Variants in ERBB3 observed in about 807,000 individuals in gnomAD.
The protein encoded by ERBB3 is erb-b2 receptor tyrosine kinase 3.
Under a neutral mutation model 156.7 loss-of-function variants are expected in ERBB3, and 96 were observed. The observed-to-expected ratio is 0.61, with a 90% CI of 0.52 to 0.73. ERBB3 has a LOEUF of 0.73. Ranked by LOEUF, ERBB3 falls within the 30% of genes least tolerant of loss-of-function variation. The pLI is 0.00. For synonymous variants in ERBB3, 567 were observed against 632.0 expected (o/e 0.90, Z 1.54); for missense variants, 1,406 against 1,709.4 (o/e 0.82, Z 3.13).
intron 11 of ERBB3, 122 bp from the exon 12 acceptor site, chr12:56,093,222 GA>G (rs1868773423): frequency 8.6e-7 from 1 of 1,163,608 alleles, no homozygotes; most frequent in African/African-American, 1.5e-5. Context: ...AAGGCAAAAG[GA>G]GGGGGATTCC....
At chr12:56,101,484 C>A (rs1279745916) in intron 27 of ERBB3, 45 bp from the exon 28 acceptor site, 2 of 1,607,314 alleles carry the variant, frequency 1.2e-6, no homozygotes, top group Admixed American at 1.7e-5. Flanking sequence ...TTCCCCTACC[C>A]TCATGAAGTT....
Position 56,095,707 on chromosome 12 carries a change from G to C in ERBB3, c.1956G>C (p.Leu652Phe). 1 of 1,614,178 alleles carries C rather than the reference G, an allele frequency of 6.2e-7. No homozygotes were observed. The highest frequency in any genetic ancestry group is 1.1e-5 in the South Asian group (1 of 91,082). ...LTMALTVIAG[L>F]VVIFMMLGGT... Reference sequence around the variant, plus strand: ...TGGCTTTGACAGTGATAGCAGGATTGGTAGTGATTTTCATGATGCTGGGCG... The same window carrying C: ...TGGCTTTGACAGTGATAGCAGGATTCGTAGTGATTTTCATGATGCTGGGCG... Residue 652 changes from leucine (L) to phenylalanine (F), a missense_variant, in exon 17 of 28, where the codon TTG becomes TTC. By Grantham distance (22) the Leu-to-Phe change is conservative. Coordinates refer to ENST00000267101, the MANE Select transcript of ERBB3 (RefSeq NM_001982.4).
chr12:56,082,018 CCT>C (rs1868359250), intron 1 of ERBB3, among the ~76,000 whole-genome samples: 1 of 152,114 alleles, frequency 6.6e-6, no homozygotes, highest in African/African-American at 2.4e-5. Flanking sequence ...CCCTTTGCCC[CCT>C]GTTTGTGTAA....
intron 4 of ERBB3, 129 bp from the exon 5 acceptor site, chr12:56,087,448 G>T (rs1423143171): frequency 1.2e-6 from 1 of 838,794 alleles, no homozygotes; most frequent in African/African-American, 1.7e-5. Flanking sequence ...CCAAGGGCAG[G>T]GAGGGACACA....
In ERBB3 at chr12:56,088,756, G is replaced by A. The variant is rs1390249418; in HGVS notation, c.997G>A (p.Gly333Arg). Reference sequence around the variant, plus strand: ...CTCTCTTACATTTGCAGCCTGTGAGGGAACAGGCTCTGGGAGCCGCTTCCA... The same window carrying A: ...CTCTCTTACATTTGCAGCCTGTGAGAGAACAGGCTCTGGGAGCCGCTTCCA... Reference protein sequence around the residue: ...CGGLCPKACEGTGSGSRFQTV... With the variant: ...CGGLCPKACERTGSGSRFQTV... Residue 333 changes from glycine (G) to arginine (R), a missense_variant, in exon 9 of 28, where the codon GGA becomes AGA. Around this residue, in one of 3 missense-constraint regions of ERBB3, gnomAD observed 979 missense variants for 1,219.6 expected, o/e 0.80. Coordinates refer to ENST00000267101, the MANE Select transcript of ERBB3 (RefSeq NM_001982.4). The A allele has an allele frequency of 6.2e-7, 1 of 1,614,068 alleles. No homozygotes were observed. The highest frequency in any genetic ancestry group is 8.5e-7 in the Non-Finnish European group (1 of 1,179,998).
intron 2 of ERBB3, 23 bp downstream of exon 2, chr12:56,083,925 C>T: frequency 5.0e-6 from 8 of 1,611,278 alleles, no homozygotes; most frequent in Non-Finnish European, 6.8e-6. Flanking sequence ...ACCCTCCTTC[C>T]TCAACCTGCT....
In ERBB3 at chr12:56,099,770, A is replaced by G. The variant is rs776289675; in HGVS notation, c.2937+25A>G. The G allele has an allele frequency of 7.4e-6, 12 of 1,613,218 alleles. No homozygotes were observed. The South Asian group carries it at 1.3e-4, about 18-fold the overall frequency. On this transcript the variant is annotated intron_variant, in intron 24 of 27. Transcript: ENST00000267101. ...GGTGAGTAGGGAGTAGGAGGTGCTA[A>G]GGAAATTTAGAAAAAGGAGGAGTTG...
At chr12:56,090,039 A>T (rs915000067) in intron 9 of ERBB3, among the ~76,000 whole-genome samples, 1 of 150,358 alleles carries the variant, frequency 6.7e-6, no homozygotes, top group Non-Finnish European at 1.5e-5. Flanking sequence ...TCCCCAGGCT[A>T]GAGTGCAGTG....
chr12:56,085,175 CTCACCGG>C lies in ERBB3; in HGVS notation c.419_421+4del. The C allele has an allele frequency of 6.2e-7, 1 of 1,614,206 alleles. No homozygotes were observed. Among genetic ancestry groups the C allele is most frequent in the Non-Finnish European group, 8.5e-7 (1 of 1,180,040 alleles). On this transcript the variant is annotated splice_donor_variant and coding_sequence_variant, in exon 3 of 28. Coordinates refer to ENST00000267101, the MANE Select transcript of ERBB3 (RefSeq NM_001982.4). LOFTEE classifies it high-confidence loss of function. ...TCTGCGCCAGCTCCGCTTGACTCAGCTCACCGGTCAGTTCCCGATGGTTCCTTCTGGC... is the reference window on the plus strand; with the variant it reads ...TCTGCGCCAGCTCCGCTTGACTCAGCTCAGTTCCCGATGGTTCCTTCTGGC...
In ERBB3 at chr12:56,102,196, G is replaced by A; in HGVS notation, c.*141G>A. The stretch of plus-strand genomic sequence containing the variant: ...AGACAATTCCATTCAATCTTTGGAG[G>A]CTTTTAAACATTTTGACACAAAATT... On this transcript the variant is annotated 3_prime_UTR_variant, in exon 28 of 28. Transcript: ENST00000267101. 3 of 783,156 alleles carry A rather than the reference G, an allele frequency of 3.8e-6. No homozygotes were observed. In the South Asian group the frequency reaches 4.5e-5, roughly 12 times the overall value. 48.5% of individuals were successfully genotyped at this position (783,156 alleles called of 1,614,324 possible).
chr12:56,099,057 C>A, intron 23 of ERBB3, 152 bp downstream of exon 23: 4 of 705,682 alleles, frequency 5.7e-6, no homozygotes, highest in East Asian at 2.7e-5. Context: ...CTCTCGGGTT[C>A]AAGAGATTCT....
At chr12:56,087,732 G>T in intron 5 of ERBB3, 63 bp from the exon 6 acceptor site, 1 of 1,583,868 alleles carries the variant, frequency 6.3e-7, no homozygotes, top group Non-Finnish European at 8.7e-7. Flanking sequence ...GGGGAGGCAT[G>T]AGCAGTGGCC....
chr12:56,081,777 T>TG (rs993599973), intron 1 of ERBB3, among the ~76,000 whole-genome samples: 7 of 151,716 alleles, frequency 4.6e-5, no homozygotes, highest in African/African-American at 1.7e-4. Context: ...CTGGCTGTGA[T>TG]GGGGGTGGGG....
rs1344081634 is a variant in ERBB3 at position 56,088,862 on chromosome 12, T to G, written c.1103T>G (p.Leu368Arg). Residue 368 changes from leucine (L) to arginine (R), a missense_variant, in exon 9 of 28, where the codon CTC (leucine) becomes CGC (arginine). By Grantham distance (102) the Leu-to-Arg change is moderately radical (BLOSUM62 -2). Around this residue, in one of 3 missense-constraint regions of ERBB3, gnomAD observed 979 missense variants for 1,219.6 expected, o/e 0.80. Coordinates refer to ENST00000267101, the MANE Select transcript of ERBB3 (RefSeq NM_001982.4). ...LGNLDFLITG[L>R]NGDPWHKIPA... ...AACCTGGACTTTCTGATCACCGGCCTCAATGGGTTAGAGATCCTGCCTTCC... is the reference window on the plus strand; with the variant it reads ...AACCTGGACTTTCTGATCACCGGCCGCAATGGGTTAGAGATCCTGCCTTCC... 6.2e-7 allele frequency: 1 copy of G among 1,613,970 alleles called. No individual in the cohort carries two copies. Among genetic ancestry groups the G allele is most frequent in the Non-Finnish European group, 8.5e-7 (1 of 1,180,006 alleles).
chr12:56,091,682 A>G (rs111240448), intron 9 of ERBB3, among the ~76,000 whole-genome samples: 1 of 152,044 alleles, frequency 6.6e-6, no homozygotes, highest in African/African-American at 2.4e-5. Flanking sequence ...AGGGCATCCT[A>G]TTGAGGATGT....
At chr12:56,085,789 C>T (rs1868461664) in intron 3 of ERBB3, among the ~76,000 whole-genome samples, 1 of 130,852 alleles carries the variant, frequency 7.6e-6, no homozygotes, top group Non-Finnish European at 1.6e-5. Flanking sequence ...AAAAAAAAAG[C>T]CTGGGCGCGG....
chr12:56,083,681 CTTTGGGGATGGCAGATGGGCTGAGAA>C, intron 1 of ERBB3, 44 bp from the exon 2 acceptor site: 1 of 1,584,936 alleles, frequency 6.3e-7, no homozygotes, highest in Non-Finnish European at 8.7e-7. Context: ...AGGGGGTGAT[CTTTGGGGATGGCAGATGGGCTGAGAA>C]TTTGTGTCCA....
chr12:56,098,146 T>G lies in ERBB3; in HGVS notation c.2616+206T>G, dbSNP rs1868952315. Reference sequence around the variant, plus strand: ...CTGGCCGGGCGCGGTGGCTCACGCCTGTAATCCCAACACTTCGGGAGGCCA... The same window carrying G: ...CTGGCCGGGCGCGGTGGCTCACGCCGGTAATCCCAACACTTCGGGAGGCCA... On this transcript the variant is annotated intron_variant, in intron 21 of 27. Coordinates refer to ENST00000267101, the MANE Select transcript of ERBB3 (RefSeq NM_001982.4). 12 of 603,010 alleles carry G rather than the reference T, an allele frequency of 2.0e-5. No individual in the cohort carries two copies. In the South Asian group the frequency reaches 2.4e-4, roughly 12 times the overall value. The allele number at this position is 603,010 out of a possible 1,614,324, so 37.4% of individuals were successfully genotyped here. A position where few individuals can be genotyped will look rare whatever the true frequency, so the allele number is the denominator to read the frequency against.
In ERBB3 at chr12:56,093,489, G is replaced by A. The variant is rs1868783728; in HGVS notation, c.1419G>A (p.Val473=). 6.2e-7 allele frequency: 1 copy of A among 1,613,920 alleles called. No homozygotes were observed. Among genetic ancestry groups the A allele is most frequent in the Non-Finnish European group, 8.5e-7 (1 of 1,179,954 alleles). Residue 473 remains valine (V), a synonymous_variant, in exon 12 of 28, where the codon GTG becomes GTA. Transcript: ENST00000267101. ...ACCACTCTTTGAACTGGACCAAGGT[G>A]CTTCGGGGGCCTACGGAAGAGCGAC... The part of the protein sequence containing the change: ...CYHHSLNWTK[V]LRGPTEERLD...
Sources: gnomAD v4.1 joint callset for allele counts (sites outside exome capture counted in the v4.1 genomes callset) on GRCh38, gnomAD v4.1.1 for gene constraint, gnomAD v4.1.1 regional missense constraint, MANE v1.5 for transcripts, NCBI Gene and HGNC (gene_info 2026-07-23, HGNC 2026-07-21) for gene names.